The following SLC14A2 variants were observed in gnomAD, a reference collection of about 807,000 sequenced individuals.
SLC14A2 encodes the protein solute carrier family 14 member 2.
In SLC14A2, 91 loss-of-function variants were observed where a neutral mutation model predicts 104.6. The observed-to-expected ratio is 0.87, with a 90% CI of 0.73 to 1.04. SLC14A2 has a LOEUF of 1.04. Ranked by LOEUF, SLC14A2 falls within the 50% of genes least tolerant of loss-of-function variation. The probability of loss-of-function intolerance (pLI) is 0.00; values close to 1 mark genes in which losing one functional copy is unlikely to be tolerated. For missense variants in SLC14A2, 1,189 were observed against 1,156.0 expected (o/e 1.03, Z -0.41); for synonymous variants, 476 against 466.4 (o/e 1.02, Z -0.27).
chr18:45,541,617 A>G (rs1166558187), intron 2 of SLC14A2, among the ~76,000 whole-genome samples: 3 of 152,252 alleles, frequency 2.0e-5, no homozygotes, highest in Non-Finnish European at 4.4e-5. Flanking sequence ...GGAAGATATC[A>G]TTCTAGGCCT....
chr18:45,420,560 A>G (rs1268691778), intron 1 of SLC14A2, among the ~76,000 whole-genome samples: 2 of 152,112 alleles, frequency 1.3e-5, no homozygotes, highest in Non-Finnish European at 2.9e-5. Flanking sequence ...TCTGCCCCCA[A>G]ACTGGAAAAT....
rs767112292 is a variant in SLC14A2 at position 45,672,891 on chromosome 18, T to C, written c.2230-9T>C. 2.5e-6 allele frequency: 4 copies of C among 1,611,560 alleles called. No individual in the cohort carries two copies. Among genetic ancestry groups the C allele is most frequent in the African/African-American group, 2.7e-5 (2 of 75,018 alleles). ...CCATAATGAGCATGTAATCCTGTTA[T>C]GCCTACAGCTTTTGAGAGCCATCCC... On this transcript the variant is annotated splice_polypyrimidine_tract_variant and intron_variant, in intron 16 of 19. Coordinates refer to ENST00000255226, the MANE Select transcript of SLC14A2 (RefSeq NM_007163.4).
intron 1 of SLC14A2, among the ~76,000 whole-genome samples, chr18:45,238,691 A>G (rs2084281229): frequency 1.3e-5 from 2 of 152,230 alleles, no homozygotes; most frequent in South Asian, 4.1e-4. Context: ...TAGATAATAA[A>G]AGATAAGTAA....
chr18:45,242,485 T>C (rs2084328077), intron 1 of SLC14A2, among the ~76,000 whole-genome samples: 1 of 152,228 alleles, frequency 6.6e-6, no homozygotes, highest in Non-Finnish European at 1.5e-5. Flanking sequence ...TAAAGGGCTT[T>C]TGGAGTTTAG....
intron 2 of SLC14A2, chr18:45,527,757 T>A (rs1377084399): frequency 6.6e-6 from 1 of 152,210 alleles, no homozygotes; most frequent in Admixed American, 6.5e-5. Context: ...TTAAATGCAA[T>A]GATATATTTT....
chr18:45,281,279 G>A (rs776410245), intron 1 of SLC14A2, among the ~76,000 whole-genome samples: 1 of 152,068 alleles, frequency 6.6e-6, no homozygotes, highest in Non-Finnish European at 1.5e-5. Flanking sequence ...TTATTTGTAT[G>A]CTGCTATATC....
At chr18:45,515,350 A>ATTG in intron 2 of SLC14A2, 1 of 152,350 alleles carries the variant, frequency 6.6e-6, no homozygotes, top group South Asian at 2.1e-4. Context: ...GGCATCAAAA[A>ATTG]CATGGGTTTT....
intron 2 of SLC14A2, among the ~76,000 whole-genome samples, chr18:45,486,562 G>T (rs562271082): frequency 2.6e-5 from 4 of 152,196 alleles, no homozygotes; most frequent in African/African-American, 9.6e-5. Context: ...AAATCTATTA[G>T]CCATCTAGCT....
At chr18:45,654,895 T>A (rs908324325) in intron 10 of SLC14A2, among the ~76,000 whole-genome samples, 11 of 152,158 alleles carry the variant, frequency 7.2e-5, no homozygotes, top group African/African-American at 2.7e-4. Context: ...GTGACATCAG[T>A]TTGGTTTCCA....
At position 45,666,136 on chromosome 18, in the gene SLC14A2, G is replaced by T. The variant is rs770789916; in HGVS notation, c.1475-1G>T. 6.2e-7 allele frequency: 1 copy of T among 1,612,076 alleles called. No homozygotes were observed. The highest frequency in any genetic ancestry group is 1.1e-5 in the South Asian group (1 of 91,030). On this transcript the variant is annotated splice_acceptor_variant, in intron 11 of 19. Transcript: ENST00000255226. LOFTEE classifies it high-confidence loss of function. ...ATGGTGCTCTTTCCTTCTAACTCCA[G>T]TGTTTGGAAAAGGCGAACACCAGGA... is the stretch of plus-strand genomic sequence containing the variant.
At chr18:45,599,878 C>G (rs1237329101) in intron 2 of SLC14A2, among the ~76,000 whole-genome samples, 1 of 152,142 alleles carries the variant, frequency 6.6e-6, no homozygotes, top group African/African-American at 2.4e-5. Context: ...GGGAAACTCC[C>G]CCTTATAAAC....
At chr18:45,194,231 A>T in the SLC14A2 span, among the ~76,000 whole-genome samples, 19 of 152,276 alleles carry the variant, frequency 1.2e-4, no homozygotes, top group East Asian at 3.5e-3. Flanking sequence ...CTCCAGTATA[A>T]TGCTGACTAG....
At chr18:45,553,151 G>C (rs1015040277) in intron 2 of SLC14A2, among the ~76,000 whole-genome samples, 1 of 152,132 alleles carries the variant, frequency 6.6e-6, no homozygotes, top group African/African-American at 2.4e-5. Context: ...ACACTTCCCA[G>C]CCTAATAACA....
chr18:45,564,713 C>A (rs1245176851), intron 2 of SLC14A2, among the ~76,000 whole-genome samples: 4 of 152,250 alleles, frequency 2.6e-5, no homozygotes, highest in Non-Finnish European at 5.9e-5. Context: ...CATAAAAACA[C>A]GTGACTGTGT....
chr18:45,587,983 T>C (rs187925090), intron 2 of SLC14A2, among the ~76,000 whole-genome samples: 2 of 150,716 alleles, frequency 1.3e-5, no homozygotes, highest in Admixed American at 1.3e-4. Context: ...GTTTGGACCA[T>C]ATGTTGCAGG....
chr18:45,172,231 T>G, the SLC14A2 span, among the ~76,000 whole-genome samples: 1 of 152,268 alleles, frequency 6.6e-6, no homozygotes, highest in East Asian at 1.9e-4. Flanking sequence ...AACCAATACA[T>G]TCAACCATCA....
chr18:45,294,710 GA>G (rs1403390108), intron 1 of SLC14A2, among the ~76,000 whole-genome samples: 4 of 152,164 alleles, frequency 2.6e-5, no homozygotes, highest in African/African-American at 9.7e-5. Flanking sequence ...AACCTCTTCA[GA>G]AAGAAACACA....
At chr18:45,302,265 A>C (rs73427992) in intron 1 of SLC14A2, among the ~76,000 whole-genome samples, 3,309 of 152,318 alleles carry the variant, frequency 0.022, 74 homozygotes, top group African/African-American at 0.059. Flanking sequence ...TTTAGATGAT[A>C]ATGTCTCTGG....
chr18:45,241,620 T>C (rs1242699517), intron 1 of SLC14A2, among the ~76,000 whole-genome samples: 1 of 149,976 alleles, frequency 6.7e-6, no homozygotes, highest in Non-Finnish European at 1.5e-5. Flanking sequence ...TTATTTGATT[T>C]TCTTTTCTTT....
Sources: allele counts gnomAD v4.1 joint callset (sites outside exome capture counted in the v4.1 genomes callset), GRCh38; gene constraint gnomAD v4.1.1; transcripts MANE v1.5; gene names NCBI Gene and HGNC (gene_info 2026-07-23, HGNC 2026-07-21).